The following PTPRD variants were observed in gnomAD, a reference collection of about 807,000 sequenced individuals.
PTPRD encodes the protein protein tyrosine phosphatase receptor type D.
Under a neutral mutation model 214.5 loss-of-function variants are expected in PTPRD, and 34 were observed. The ratio of observed to expected loss-of-function variants is 0.16; its 90% CI spans 0.12 to 0.21. The LOEUF (loss-of-function observed/expected upper bound fraction) is 0.21. Among genes scored for constraint, PTPRD ranks in the 10% least tolerant of loss-of-function variants. The probability of loss-of-function intolerance (pLI) is 1.00; values close to 1 mark genes in which losing one functional copy is unlikely to be tolerated. For synonymous variants in PTPRD, 1,128 were observed against 845.7 expected (o/e 1.33, Z -5.79); for missense variants, 2,545 against 2,398.7 (o/e 1.06, Z -1.27).
At chr9:9,796,331 A>G (rs1010282323) in intron 5 of PTPRD, among the ~76,000 whole-genome samples, 3 of 152,164 alleles carry the variant, frequency 2.0e-5, no homozygotes, top group African/African-American at 7.2e-5. Flanking sequence ...TAGAGTACTG[A>G]AAAGGATTCA....
At chr9:8,469,844 A>C (rs2096617552) in intron 31 of PTPRD, among the ~76,000 whole-genome samples, 1 of 152,124 alleles carries the variant, frequency 6.6e-6, no homozygotes, top group South Asian at 2.1e-4. Flanking sequence ...AAATGAAGCC[A>C]GTGATCATAA....
At chr9:10,102,020 C>T (rs113848731) in intron 3 of PTPRD, among the ~76,000 whole-genome samples, 218 of 151,820 alleles carry the variant, frequency 1.4e-3, no homozygotes, top group African/African-American at 4.9e-3. Context: ...AAAGGAGGCA[C>T]ATTTGTAATT....
At chr9:8,375,849 C>T in intron 39 of PTPRD, 87 bp downstream of exon 39, 3 of 1,449,560 alleles carry the variant, frequency 2.1e-6, no homozygotes, top group Non-Finnish European at 2.8e-6. Context: ...ATTTACTATT[C>T]CAGAATGTCA....
chr9:10,023,534 C>G (rs1015948032), intron 4 of PTPRD, among the ~76,000 whole-genome samples: 7 of 151,990 alleles, frequency 4.6e-5, no homozygotes, highest in African/African-American at 1.7e-4. Flanking sequence ...TTTCACAAAT[C>G]TTTATATTCA....
intron 10 of PTPRD, among the ~76,000 whole-genome samples, chr9:9,174,154 C>G (rs2099923198): frequency 6.6e-6 from 1 of 151,960 alleles, no homozygotes; most frequent in Non-Finnish European, 1.5e-5. Flanking sequence ...TAAAACATTA[C>G]CAACAGGAAA....
chr9:10,462,350 T>G (rs182811843), intron 2 of PTPRD, among the ~76,000 whole-genome samples: 12 of 152,284 alleles, frequency 7.9e-5, no homozygotes, highest in African/African-American at 2.4e-4. Context: ...ATGAGTCTAC[T>G]ATCTATCTCA....
chr9:8,640,168 A>T (rs905840695), intron 12 of PTPRD, among the ~76,000 whole-genome samples: 1 of 152,060 alleles, frequency 6.6e-6, no homozygotes, highest in Non-Finnish European at 1.5e-5. Flanking sequence ...GGGCTCAAGG[A>T]TCCTCCCGCC....
At chr9:8,681,548 C>G (rs992540730) in intron 12 of PTPRD, among the ~76,000 whole-genome samples, 2 of 152,022 alleles carry the variant, frequency 1.3e-5, no homozygotes, top group Non-Finnish European at 2.9e-5. Flanking sequence ...CAATCTGTAC[C>G]TCCTCCCCAT....
At chr9:10,566,117 T>C (rs956183959) in intron 2 of PTPRD, among the ~76,000 whole-genome samples, 1 of 152,100 alleles carries the variant, frequency 6.6e-6, no homozygotes, top group African/African-American at 2.4e-5. Flanking sequence ...GGTAATTTGA[T>C]AAATTTCTTT....
At chr9:9,637,593 C>T (rs963301718) in intron 7 of PTPRD, among the ~76,000 whole-genome samples, 3 of 152,218 alleles carry the variant, frequency 2.0e-5, no homozygotes, top group Admixed American at 2.0e-4. Flanking sequence ...CAGCTCCCCG[C>T]ATATGGCTTT....
chr9:9,499,621 C>G (rs1372965877), intron 8 of PTPRD, among the ~76,000 whole-genome samples: 1 of 152,036 alleles, frequency 6.6e-6, no homozygotes. Flanking sequence ...GTGAATCAGA[C>G]TGGTATATGG....
chr9:9,567,096 G>GC (rs2084791491), intron 8 of PTPRD, among the ~76,000 whole-genome samples: 1 of 152,022 alleles, frequency 6.6e-6, no homozygotes, highest in South Asian at 2.1e-4. Flanking sequence ...AAATGAAAGC[G>GC]CACATAGGTC....
At chr9:8,673,804 G>C (rs564883315) in intron 12 of PTPRD, among the ~76,000 whole-genome samples, 1 of 152,164 alleles carries the variant, frequency 6.6e-6, no homozygotes, top group East Asian at 1.9e-4. Flanking sequence ...TCTCAACTTT[G>C]GTGCTATTGA....
intron 3 of PTPRD, among the ~76,000 whole-genome samples, chr9:10,268,293 A>AAATAATAATAAT (rs56131711): frequency 0.013 from 1,938 of 144,818 alleles, 11 homozygotes; most frequent in Admixed American, 0.019. Flanking sequence ...CTGTTGCTAT[A>AAATAATAATAAT]AATAATAATA....
chr9:10,545,793 G>C (rs1201859865), intron 2 of PTPRD, among the ~76,000 whole-genome samples: 1 of 152,032 alleles, frequency 6.6e-6, no homozygotes, highest in Admixed American at 6.6e-5. Flanking sequence ...AGAATTCTTG[G>C]CATTTCTTTC....
intron 33 of PTPRD, among the ~76,000 whole-genome samples, chr9:8,459,006 A>G (rs931287139): frequency 3.9e-5 from 6 of 152,094 alleles, no homozygotes; most frequent in African/African-American, 1.4e-4. Flanking sequence ...ACCCTCTCTT[A>G]ATGCTGGAAT....
intron 14 of PTPRD, among the ~76,000 whole-genome samples, chr9:8,588,966 T>A (rs1299024035): frequency 6.6e-6 from 1 of 152,204 alleles, no homozygotes; most frequent in Non-Finnish European, 1.5e-5. Flanking sequence ...ATAAAAGTTA[T>A]TCTTAGTGGG....
chr9:8,892,669 A>T (rs1234564981), intron 11 of PTPRD, among the ~76,000 whole-genome samples: 1 of 127,682 alleles, frequency 7.8e-6, no homozygotes, highest in Admixed American at 8.7e-5. Context: ...GTGTATATAT[A>T]TGTGTATATA....
chr9:8,938,261 G>C (rs2099010222), intron 11 of PTPRD, among the ~76,000 whole-genome samples: 1 of 151,894 alleles, frequency 6.6e-6, no homozygotes, highest in African/African-American at 2.4e-5. Flanking sequence ...GAAACAGAGA[G>C]GGGAGAAGAG....
Sources: allele counts gnomAD v4.1 joint callset (sites outside exome capture counted in the v4.1 genomes callset), GRCh38; gene constraint gnomAD v4.1.1; transcripts MANE v1.5; gene names NCBI Gene and HGNC (gene_info 2026-07-23, HGNC 2026-07-21).